ARHGAP44: variants seen among roughly 807,000 people sequenced by gnomAD.
ARHGAP44 encodes the protein rho GTPase-activating protein 44.
In ARHGAP44, 43 loss-of-function variants were observed where a neutral mutation model predicts 106.8. The ratio of observed to expected loss-of-function variants is 0.40; its 90% confidence interval spans 0.32 to 0.52. The LOEUF is 0.52. Among genes scored for constraint, ARHGAP44 ranks in the 20% least tolerant of loss-of-function variants. The probability of loss-of-function intolerance (pLI) is 0.48; values close to 1 mark genes in which losing one functional copy is unlikely to be tolerated. For synonymous variants in ARHGAP44, 439 were observed against 410.3 expected, an observed-to-expected ratio of 1.07 and a Z score of -0.85; for missense variants, 866 against 1,050.5, an observed-to-expected ratio of 0.82 and a Z score of 2.43.
chr17:12,969,508 T>G (rs2039474659), intron 16 of ARHGAP44, among the ~76,000 whole-genome samples: 1 of 152,204 alleles, frequency 6.6e-6, no homozygotes, highest in African/African-American at 2.4e-5. Flanking sequence ...TCCTCCATAT[T>G]ATAGAGTTAG....
At chr17:12,929,627 A>G (rs566591179) in intron 7 of ARHGAP44, among the ~76,000 whole-genome samples, 1 of 152,180 alleles carries the variant, frequency 6.6e-6, no homozygotes, top group Non-Finnish European at 1.5e-5. Flanking sequence ...ACTCATTCAG[A>G]TGTTTCCCAT....
chr17:12,969,509 ATAGAGT>A (rs1331286751), intron 16 of ARHGAP44, among the ~76,000 whole-genome samples: 1 of 152,206 alleles, frequency 6.6e-6, no homozygotes, highest in African/African-American at 2.4e-5. Flanking sequence ...CCTCCATATT[ATAGAGT>A]TAGTCATTGG....
At chr17:12,880,286 C>A (rs1039971016) in intron 1 of ARHGAP44, among the ~76,000 whole-genome samples, 10 of 151,978 alleles carry the variant, frequency 6.6e-5, no homozygotes, top group Admixed American at 2.0e-4. Context: ...AATTTAGAAC[C>A]AAAACATTAC....
chr17:12,893,027 G>T (rs1402105465), intron 1 of ARHGAP44, among the ~76,000 whole-genome samples: 1 of 151,552 alleles, frequency 6.6e-6, no homozygotes, highest in Non-Finnish European at 1.5e-5. Flanking sequence ...CTGAAATCTG[G>T]ATATTATGGC....
intron 8 of ARHGAP44, among the ~76,000 whole-genome samples, chr17:12,943,357 C>A (rs1199626985): frequency 6.6e-6 from 1 of 152,198 alleles, no homozygotes; most frequent in African/African-American, 2.4e-5. Flanking sequence ...CTGAAGAGCT[C>A]CCCCTATTCC....
intron 13 of ARHGAP44, among the ~76,000 whole-genome samples, chr17:12,953,933 C>T (rs947797889): frequency 2.0e-5 from 3 of 152,178 alleles, no homozygotes; most frequent in African/African-American, 7.2e-5. Context: ...ATCTCCCAGG[C>T]TGGAGTCCAG....
chr17:12,981,752 T>C (rs2039837007), intron 19 of ARHGAP44, among the ~76,000 whole-genome samples: 1 of 151,310 alleles, frequency 6.6e-6, no homozygotes, highest in Non-Finnish European at 1.5e-5. Flanking sequence ...GGCCCCTGCC[T>C]GTAATCCTAG....
chr17:12,955,863 T>G lies in ARHGAP44; in HGVS notation c.1137-4T>G. 2 of 1,603,816 alleles carry G rather than the reference T, an allele frequency of 1.2e-6. No individual in the cohort carries two copies. The highest frequency in any genetic ancestry group is 1.7e-6 in the Non-Finnish European group (2 of 1,171,950). On this transcript the variant is annotated splice_region_variant and splice_polypyrimidine_tract_variant and intron_variant, in intron 13 of 20. Coordinates refer to ENST00000379672, the MANE Select transcript of ARHGAP44 (RefSeq NM_014859.6). Reference sequence around the variant, plus strand: ...TAAACCTGGCCCTTCTAATTTTCTTTTAGATACTTGATAAAATTTTTATCC... The same window carrying G: ...TAAACCTGGCCCTTCTAATTTTCTTGTAGATACTTGATAAAATTTTTATCC...
chr17:12,860,306 A>G (rs1361157769), intron 1 of ARHGAP44, among the ~76,000 whole-genome samples: 1 of 152,216 alleles, frequency 6.6e-6, no homozygotes, highest in Non-Finnish European at 1.5e-5. Flanking sequence ...TATAAGGTCA[A>G]CAAGGCTCCT....
chr17:12,910,020 A>T (rs2037677125), intron 4 of ARHGAP44, among the ~76,000 whole-genome samples: 1 of 152,228 alleles, frequency 6.6e-6, no homozygotes, highest in Non-Finnish European at 1.5e-5. Context: ...ATGCCAGAAG[A>T]TAATGGAGTA....
chr17:12,922,839 CT>C (rs1330793252), intron 6 of ARHGAP44, among the ~76,000 whole-genome samples: 16 of 152,130 alleles, frequency 1.1e-4, no homozygotes, highest in Middle Eastern at 3.4e-3. Flanking sequence ...AGCAGGAACA[CT>C]AGACAAAGTC....
intron 9 of ARHGAP44, 129 bp from the exon 10 acceptor site, chr17:12,943,940 A>G (rs1230617700): frequency 1.5e-6 from 2 of 1,316,236 alleles, no homozygotes; most frequent in Non-Finnish European, 2.0e-6. Context: ...AAACCACAGA[A>G]TGGAGGCTCA....
chr17:12,911,117 A>G (rs2037724319), intron 4 of ARHGAP44, among the ~76,000 whole-genome samples: 1 of 151,978 alleles, frequency 6.6e-6, no homozygotes. Context: ...CATTGCATAT[A>G]TCTCTGCAAT....
chr17:12,938,770 TAAATG>T (rs1024297594), intron 7 of ARHGAP44, among the ~76,000 whole-genome samples: 35 of 152,344 alleles, frequency 2.3e-4, no homozygotes, highest in African/African-American at 8.4e-4. Flanking sequence ...ATGATTTAGA[TAAATG>T]AGAATTTGAT....
At chr17:12,881,074 G>A (rs1228056894) in intron 1 of ARHGAP44, among the ~76,000 whole-genome samples, 1 of 150,746 alleles carries the variant, frequency 6.6e-6, no homozygotes, top group Non-Finnish European at 1.5e-5. Context: ...TTTTTTTTAG[G>A]GTTGATTTTT....
intron 1 of ARHGAP44, among the ~76,000 whole-genome samples, chr17:12,853,736 G>A (rs747126145): frequency 2.6e-5 from 4 of 152,176 alleles, no homozygotes; most frequent in Middle Eastern, 3.4e-3. Context: ...TTATCAGGGC[G>A]GCTTTTGTTA....
chr17:12,855,932 G>A lies in ARHGAP44; in HGVS notation c.54-39008G>A, dbSNP rs544472510. 5.9e-5 allele frequency among the ~76,000 whole-genome samples: 9 copies of A among 152,258 alleles called. No individual in the cohort carries two copies. The South Asian group carries it at 1.9e-3, about 32-fold the overall frequency. On this transcript the variant is annotated intron_variant, in intron 1 of 20. Transcript: ENST00000379672. ...AGTCATGCTTGTGGTCGAGCTCCAGGTAAGGCCCTGGATTGCAAAAGGCAA... is the reference window on the plus strand; with the variant it reads ...AGTCATGCTTGTGGTCGAGCTCCAGATAAGGCCCTGGATTGCAAAAGGCAA...
chr17:12,879,431 A>G lies in ARHGAP44; in HGVS notation c.54-15509A>G, dbSNP rs138159322. ...GCAAATTGTGCTGCTATAAACATGC[A>G]TGTGTAAGTATCTTTTTCGTTTAAT... On this transcript the variant is annotated intron_variant, in intron 1 of 20. Coordinates refer to ENST00000379672, the MANE Select transcript of ARHGAP44 (RefSeq NM_014859.6). 3.5e-3 allele frequency among the ~76,000 whole-genome samples: 530 copies of G among 152,234 alleles called. 4 individuals carry two copies. Among genetic ancestry groups the G allele is most frequent in the African/African-American group, 0.012 (509 of 41,532 alleles).
intron 20 of ARHGAP44, among the ~76,000 whole-genome samples, chr17:12,989,101 C>CCAAAAA (rs1598173210): frequency 1.5e-4 from 7 of 45,162 alleles, no homozygotes; most frequent in African/African-American, 6.0e-4. Context: ...CCACCCCCCC[C>CCAAAAA]AAAAAAAAAA....
Sources: allele counts gnomAD v4.1 joint callset (sites outside exome capture counted in the v4.1 genomes callset), GRCh38; gene constraint gnomAD v4.1.1; transcripts MANE v1.5; gene names NCBI Gene and HGNC (gene_info 2026-07-23, HGNC 2026-07-21).